The following ADAM12 variants were observed in gnomAD, a reference collection of about 807,000 sequenced individuals.
ADAM12 encodes disintegrin and metalloproteinase domain-containing protein 12.
A neutral mutation model predicts 106.4 loss-of-function variants in ADAM12; 70 were observed. That is an observed-to-expected ratio of 0.66 (90% CI 0.54 to 0.80). The LOEUF (loss-of-function observed/expected upper bound fraction) is 0.80. Ranked by LOEUF, ADAM12 falls within the 30% of genes least tolerant of loss-of-function variation. The probability of loss-of-function intolerance (pLI) is 0.00; values close to 1 mark genes in which losing one functional copy is unlikely to be tolerated. For missense variants in ADAM12, 1,010 were observed against 1,171.9 expected (o/e 0.86, Z 2.02); for synonymous variants, 420 against 433.5 (o/e 0.97, Z 0.39).
chr10:126,051,668 TCCAG>T (rs1171688733), intron 14 of ADAM12, among the ~76,000 whole-genome samples: 4 of 151,532 alleles, frequency 2.6e-5, no homozygotes, highest in East Asian at 2.0e-4. Context: ...CACCCATCCA[TCCAG>T]CCAGCCAGCC....
At chr10:126,321,462 G>A (rs1854091485) in intron 2 of ADAM12, among the ~76,000 whole-genome samples, 1 of 152,164 alleles carries the variant, frequency 6.6e-6, no homozygotes, top group Admixed American at 6.5e-5. Context: ...TGGGTGGTGA[G>A]TGTTGTTGGA....
intron 14 of ADAM12, among the ~76,000 whole-genome samples, chr10:126,063,292 C>T (rs1014500725): frequency 6.6e-6 from 1 of 152,198 alleles, no homozygotes; most frequent in African/African-American, 2.4e-5. Context: ...TCTTTTCCCC[C>T]CCAGAAAGCT....
At chr10:126,157,860 G>C (rs1457871564) in intron 3 of ADAM12, among the ~76,000 whole-genome samples, 4 of 152,174 alleles carry the variant, frequency 2.6e-5, no homozygotes, top group Admixed American at 2.6e-4. Flanking sequence ...CAAAGGAGAG[G>C]AAGAGGGGAA....
chr10:126,053,951 C>T lies in ADAM12; in HGVS notation c.1610-4282G>A, dbSNP rs1298059639. Among the ~76,000 whole-genome samples the T allele has an allele frequency of 6.6e-6, 1 of 152,138 alleles. No homozygotes were observed. The highest frequency in any genetic ancestry group is 6.5e-5 in the Admixed American group (1 of 15,278). Reference sequence around the variant, plus strand: ...CGAACTCCTGACCTCAGGTGATTCACCCACCTCAGCCTCCCAAAATGCTGG... The same window carrying T: ...CGAACTCCTGACCTCAGGTGATTCATCCACCTCAGCCTCCCAAAATGCTGG... On this transcript the variant is annotated intron_variant, in intron 14 of 22. Coordinates refer to ENST00000448723, the MANE Select transcript of ADAM12 (RefSeq NM_001288973.2). The surrounding 1 kb of genome is among the most constrained non-coding windows in gnomAD (Gnocchi z 4.6).
chr10:126,190,028 C>T (rs1957468926), intron 3 of ADAM12, among the ~76,000 whole-genome samples: 1 of 152,044 alleles, frequency 6.6e-6, no homozygotes, highest in Non-Finnish European at 1.5e-5. Flanking sequence ...CCTGAGCTCA[C>T]TCTTCCAAAT....
At position 126,193,264 on chromosome 10, in the gene ADAM12, C is replaced by CAA. The variant is rs757716875; in HGVS notation, c.261-37961_261-37960dup. Among the ~76,000 whole-genome samples the CAA allele has an allele frequency of 4.1e-3, 109 of 26,622 alleles. 12 individuals carry two copies. Among genetic ancestry groups the CAA allele is most frequent in the East Asian group, 0.029 (36 of 1,238 alleles). The allele number at this position is 26,622 out of a possible 152,430, so 17.5% of individuals were successfully genotyped here. A position where few individuals can be genotyped will look rare whatever the true frequency, so the allele number is the denominator to read the frequency against. On this transcript the variant is annotated intron_variant, in intron 3 of 22. Transcript: ENST00000448723. The stretch of plus-strand genomic sequence containing the variant: ...TAGGCGACAGAGCGAGACTCCATCT[C>CAA]AAAAAAAAAAAAAAAAAAAAAAAAA...
At chr10:126,299,816 G>T (rs1298256045) in intron 2 of ADAM12, among the ~76,000 whole-genome samples, 1 of 152,058 alleles carries the variant, frequency 6.6e-6, no homozygotes, top group Non-Finnish European at 1.5e-5. Context: ...GCTAATTTTT[G>T]TATTTTTAGT....
intron 3 of ADAM12, among the ~76,000 whole-genome samples, chr10:126,166,805 T>C (rs1403961705): frequency 2.0e-5 from 3 of 152,198 alleles, no homozygotes; most frequent in Non-Finnish European, 2.9e-5. Flanking sequence ...TAATGTGTCA[T>C]GATTGCCTTC....
intron 1 of ADAM12, among the ~76,000 whole-genome samples, chr10:126,361,009 A>AAACTCCCATTTTT (rs1855722786): frequency 2.6e-5 from 4 of 152,146 alleles, no homozygotes; most frequent in Admixed American, 1.3e-4. Flanking sequence ...TTGTGCAGGG[A>AAACTCCCATTTTT]AACTCCCATT....
chr10:126,021,313 A>G (rs184485077), intron 21 of ADAM12, among the ~76,000 whole-genome samples: 2 of 152,240 alleles, frequency 1.3e-5, no homozygotes, highest in East Asian at 3.8e-4. Context: ...CAATGATTTC[A>G]AACACTTGAG....
At chr10:126,214,576 G>T (rs974920685) in intron 3 of ADAM12, among the ~76,000 whole-genome samples, 1 of 152,198 alleles carries the variant, frequency 6.6e-6, no homozygotes, top group East Asian at 1.9e-4. Context: ...ATTCTGGAGG[G>T]TGTGGGAGTA....
At position 126,046,120 on chromosome 10, in the gene ADAM12, G is replaced by A. The variant is rs200464679; in HGVS notation, c.1930C>T (p.Arg644Cys). The A allele has an allele frequency of 5.6e-6, 9 of 1,614,038 alleles. No individual in the cohort carries two copies. In the South Asian group the frequency reaches 6.6e-5, roughly 12 times the overall value. Residue 644 changes from arginine (R) to cysteine (C), a missense_variant, in exon 17 of 23, where the codon CGT (arginine) becomes TGT (cysteine). This residue lies in a region of ADAM12 where 615 missense variants were observed against 708.5 expected (regional missense o/e 0.87). Transcript: ENST00000448723. ...AAGACACTAATATTTTGACATTGAC[G>A]ATTCAGGCAGATCTGTAGGAGGAGG... ...KCADGKICLN[R>C]QCQNISVFGV...
At chr10:126,156,491 G>A (rs1367761519) in intron 3 of ADAM12, among the ~76,000 whole-genome samples, 2 of 152,198 alleles carry the variant, frequency 1.3e-5, no homozygotes, top group African/African-American at 4.8e-5. Flanking sequence ...CTGTAACGGG[G>A]ATCTTGAGCA....
chr10:126,388,156 C>G lies in ADAM12; in HGVS notation c.-11G>C. On this transcript the variant is annotated 5_prime_UTR_variant, in exon 1 of 23. Coordinates refer to ENST00000448723, the MANE Select transcript of ADAM12 (RefSeq NM_001288973.2). The surrounding 1 kb of genome is among the most constrained non-coding windows in gnomAD (Gnocchi z 4.4). Reference sequence around the variant, plus strand: ...CGGGCGCGCTGCCATCGTCGCCGGCCTTCAGTGCAGCAGCTCTCGGGCCCG... The same window carrying G: ...CGGGCGCGCTGCCATCGTCGCCGGCGTTCAGTGCAGCAGCTCTCGGGCCCG... 1 of 1,209,596 alleles carries G rather than the reference C, an allele frequency of 8.3e-7. No individual in the cohort carries two copies. Among genetic ancestry groups the G allele is most frequent in the Non-Finnish European group, 1.0e-6 (1 of 973,710 alleles). 74.9% of individuals were successfully genotyped at this position (1,209,596 alleles called of 1,614,324 possible). A position where few individuals can be genotyped will look rare whatever the true frequency, so the allele number is the denominator to read the frequency against.
rs370761952 is a variant in ADAM12, at chr10:126,314,428, C to T, written c.186+15984G>A. Among the ~76,000 whole-genome samples the T allele has an allele frequency of 1.9e-4, 29 of 152,244 alleles. No homozygotes were observed. In the South Asian group the frequency reaches 2.3e-3, roughly 12 times the overall value. ...AGGGAGTGTTAGGGCTGCAGGCCAA[C>T]GTCTGGCTGCCCTTTGGAACATCAC... On this transcript the variant is annotated intron_variant, in intron 2 of 22. Coordinates refer to ENST00000448723, the MANE Select transcript of ADAM12 (RefSeq NM_001288973.2).
At chr10:126,339,164 G>T (rs1350360293) in intron 1 of ADAM12, among the ~76,000 whole-genome samples, 1 of 152,078 alleles carries the variant, frequency 6.6e-6, no homozygotes, top group African/African-American at 2.4e-5. Context: ...GTTCCCCAGA[G>T]AACTCATTAA....
chr10:126,082,377 T>TTTTG (rs1554966483), intron 11 of ADAM12, among the ~76,000 whole-genome samples: 10 of 146,200 alleles, frequency 6.8e-5, no homozygotes, highest in Admixed American at 6.8e-4. Flanking sequence ...TTTTTTTTTT[T>TTTTG]TTTTTTTTTT....
chr10:126,198,205 G>A (rs1957633095), intron 3 of ADAM12, among the ~76,000 whole-genome samples: 1 of 152,226 alleles, frequency 6.6e-6, no homozygotes, highest in Admixed American at 6.5e-5. Flanking sequence ...CAGGAGAGGG[G>A]TCAGTCACCG....
rs118137886 is a variant in ADAM12, at chr10:126,123,824, G to A, written c.417-5600C>T. On this transcript the variant is annotated intron_variant, in intron 5 of 22. Coordinates refer to ENST00000448723, the MANE Select transcript of ADAM12 (RefSeq NM_001288973.2). Reference sequence around the variant, plus strand: ...GCAGAATTAAAAATGAAAAGGACTAGAATTAGAATTAGAAAGAGAAAATGG... The same window carrying A: ...GCAGAATTAAAAATGAAAAGGACTAAAATTAGAATTAGAAAGAGAAAATGG... Among the ~76,000 whole-genome samples the A allele has an allele frequency of 4.7e-3, 722 of 152,268 alleles. 3 individuals carry two copies. Among genetic ancestry groups the A allele is most frequent in the Middle Eastern group, 0.027 (8 of 294 alleles).
Sources: gnomAD v4.1 joint callset for allele counts (sites outside exome capture counted in the v4.1 genomes callset) on GRCh38, gnomAD v4.1.1 for gene constraint, gnomAD v4.1.1 regional missense constraint, Gnocchi (gnomAD v3.1) non-coding constraint, MANE v1.5 for transcripts, NCBI Gene and HGNC (gene_info 2026-07-23, HGNC 2026-07-21) for gene names.